EEFSEC: variants seen among roughly 807,000 people sequenced by gnomAD.
The protein encoded by EEFSEC is eukaryotic elongation factor, selenocysteine-tRNA specific, also known as selenocysteine-specific elongation factor.
EEFSEC carries 43 observed loss-of-function variants against 42.1 expected under a neutral mutation model. The ratio of observed to expected loss-of-function variants is 1.02; its 90% CI spans 0.80 to 1.32. The LOEUF (loss-of-function observed/expected upper bound fraction) is 1.32, where lower values mean the gene tolerates loss of function less well. Ranked by LOEUF, EEFSEC falls within the 40% of genes most tolerant of loss-of-function variation. EEFSEC has a pLI of 0.00. For synonymous variants in EEFSEC, 354 were observed against 339.1 expected, an observed-to-expected ratio of 1.04 and a Z score of -0.48; for missense variants, 745 against 803.6, an observed-to-expected ratio of 0.93 and a Z score of 0.88.
At chr3:128,222,597 T>C (rs902310046) in intron 1 of EEFSEC, among the ~76,000 whole-genome samples, 2 of 152,218 alleles carry the variant, frequency 1.3e-5, no homozygotes, top group Non-Finnish European at 2.9e-5. Flanking sequence ...TTTATTGTCT[T>C]GCTCTACCAT....
the EEFSEC span, among the ~76,000 whole-genome samples, chr3:128,422,369 C>G: frequency 6.6e-6 from 1 of 152,204 alleles, no homozygotes; most frequent in Non-Finnish European, 1.5e-5. Flanking sequence ...TCATGGCTCC[C>G]CGGGGTCAGA....
At chr3:128,347,471 GA>G (rs1181391257) in intron 5 of EEFSEC, among the ~76,000 whole-genome samples, 1 of 152,178 alleles carries the variant, frequency 6.6e-6, no homozygotes, top group Non-Finnish European at 1.5e-5. Context: ...GCAAGATTTT[GA>G]GTACAGAGAA....
intron 2 of EEFSEC, among the ~76,000 whole-genome samples, chr3:128,252,125 C>T (rs2066193691): frequency 6.6e-6 from 1 of 152,166 alleles, no homozygotes; most frequent in South Asian, 2.1e-4. Flanking sequence ...TTTCTTCCTG[C>T]TTTTTAAACA....
At chr3:128,182,256 T>C (rs2065416028) in intron 1 of EEFSEC, among the ~76,000 whole-genome samples, 1 of 152,052 alleles carries the variant, frequency 6.6e-6, no homozygotes, top group Non-Finnish European at 1.5e-5. Context: ...TTTGTTTTGG[T>C]TTTAGTTTTT....
chr3:128,311,423 T>A (rs2066888557), intron 4 of EEFSEC, among the ~76,000 whole-genome samples: 1 of 152,204 alleles, frequency 6.6e-6, no homozygotes, highest in Non-Finnish European at 1.5e-5. Flanking sequence ...GGGAAGGATT[T>A]TAGCTCCACA....
At chr3:128,239,988 C>T (rs770027507) in intron 1 of EEFSEC, among the ~76,000 whole-genome samples, 31 of 152,222 alleles carry the variant, frequency 2.0e-4, no homozygotes, top group Non-Finnish European at 4.0e-4. Context: ...TTGTTAGCAG[C>T]ATGGGCAGCA....
intron 6 of EEFSEC, among the ~76,000 whole-genome samples, chr3:128,374,885 G>A (rs897081388): frequency 6.6e-6 from 1 of 152,236 alleles, no homozygotes; most frequent in Non-Finnish European, 1.5e-5. Flanking sequence ...CCCCAGAGCT[G>A]AGACTTGAGC....
intron 4 of EEFSEC, chr3:128,336,988 T>C (rs1284942518): frequency 1.3e-5 from 2 of 152,198 alleles, no homozygotes; most frequent in East Asian, 3.9e-4. Flanking sequence ...CCCGTGGACA[T>C]TAGCGAATGT....
intron 1 of EEFSEC, among the ~76,000 whole-genome samples, chr3:128,229,863 C>T (rs73861031): frequency 2.6e-4 from 39 of 152,232 alleles, no homozygotes; most frequent in African/African-American, 9.1e-4. Flanking sequence ...AAATGGGGTG[C>T]GGGAGTTTCT....
intron 1 of EEFSEC, among the ~76,000 whole-genome samples, chr3:128,242,193 C>T (rs935230226): frequency 6.6e-5 from 10 of 152,006 alleles, no homozygotes; most frequent in African/African-American, 1.9e-4. Flanking sequence ...GTGGCATGCA[C>T]CTGTAGTCCC....
intron 4 of EEFSEC, among the ~76,000 whole-genome samples, chr3:128,277,281 AC>A (rs1239726639): frequency 6.6e-6 from 1 of 152,212 alleles, no homozygotes; most frequent in Non-Finnish European, 1.5e-5. Context: ...AATACCATAA[AC>A]CTTGCTTTAA....
At chr3:128,410,253 C>T (rs891313301), downstream of EEFSEC, among the ~76,000 whole-genome samples, 12 of 152,218 alleles carry the variant, frequency 7.9e-5, no homozygotes, top group African/African-American at 2.9e-4. Flanking sequence ...GGGAGCCAGG[C>T]CACACCCTCC....
chr3:128,178,496 T>C (rs928912747), intron 1 of EEFSEC, among the ~76,000 whole-genome samples: 19 of 152,236 alleles, frequency 1.2e-4, no homozygotes, highest in African/African-American at 4.6e-4. Flanking sequence ...GACTCAAAGT[T>C]AGTTTAAAAG....
chr3:128,416,967 C>A, the EEFSEC span, among the ~76,000 whole-genome samples: 78 of 152,242 alleles, frequency 5.1e-4, 1 homozygote, highest in East Asian at 0.015. Context: ...ACTCAGAGAG[C>A]GATCGTGGTG....
At chr3:128,343,213 C>T (rs1040230569) in intron 5 of EEFSEC, among the ~76,000 whole-genome samples, 3 of 152,336 alleles carry the variant, frequency 2.0e-5, no homozygotes, top group African/African-American at 2.4e-5. Flanking sequence ...GCCCACCCTC[C>T]GCTCCAGGTC....
At chr3:128,338,679 G>C (rs1024729240) in intron 4 of EEFSEC, among the ~76,000 whole-genome samples, 4 of 152,206 alleles carry the variant, frequency 2.6e-5, no homozygotes, top group African/African-American at 9.6e-5. Flanking sequence ...GGGTTGGGGA[G>C]AATGTGGGGC....
At chr3:128,245,949 G>A (rs993126521) in intron 1 of EEFSEC, among the ~76,000 whole-genome samples, 8 of 152,060 alleles carry the variant, frequency 5.3e-5, no homozygotes, top group South Asian at 2.1e-4. Context: ...ATCCGATCCC[G>A]AGAAATGCTT....
At chr3:128,210,647 A>G (rs1231862318) in intron 1 of EEFSEC, among the ~76,000 whole-genome samples, 5 of 152,236 alleles carry the variant, frequency 3.3e-5, no homozygotes, top group Non-Finnish European at 5.9e-5. Flanking sequence ...TCCCAATTAC[A>G]TCTCTGAATT....
At chr3:128,410,495 A>C (rs1418101032), downstream of EEFSEC, among the ~76,000 whole-genome samples, 2 of 152,146 alleles carry the variant, frequency 1.3e-5, no homozygotes, top group Admixed American at 6.5e-5. Flanking sequence ...CTGGGGCCAG[A>C]TCAGGTGTGG....
Sources: allele counts gnomAD v4.1 joint callset (sites outside exome capture counted in the v4.1 genomes callset), GRCh38; gene constraint gnomAD v4.1.1; transcripts MANE v1.5; gene names NCBI Gene and HGNC (gene_info 2026-07-23, HGNC 2026-07-21).